PDZD2: variants seen among roughly 807,000 people sequenced by gnomAD.
The protein encoded by PDZD2 is PDZ domain containing 2, also known as PDZ domain-containing protein 2.
Under a neutral mutation model 220.7 loss-of-function variants are expected in PDZD2, and 90 were observed. The observed-to-expected ratio is 0.41, with a 90% CI of 0.34 to 0.49. PDZD2 has a LOEUF of 0.49. Among genes scored for constraint, PDZD2 ranks in the 20% least tolerant of loss-of-function variants. The pLI is 0.28. For synonymous variants in PDZD2, 1,375 were observed against 1,450.5 expected (o/e 0.95, Z 1.18); for missense variants, 3,174 against 3,608.5 (o/e 0.88, Z 3.08).
rs867806753 is a variant in PDZD2, at chr5:31,850,247, C to T, written c.476+50523C>T. 3.4e-4 allele frequency among the ~76,000 whole-genome samples: 28 copies of T among 83,562 alleles called. 1 individual carries two copies. The highest frequency in any genetic ancestry group is 1.2e-3 in the African/African-American group (23 of 19,608). 54.8% of individuals were successfully genotyped at this position (83,562 alleles called of 152,430 possible). On this transcript the variant is annotated intron_variant, in intron 2 of 24. Transcript: ENST00000438447. ...ATAAGTATATATATATATATATACACACACACACACACACATATATATACT... is the reference window on the plus strand; with the variant it reads ...ATAAGTATATATATATATATATACATACACACACACACACATATATATACT...
At chr5:32,035,497 G>A (rs571383935) in intron 6 of PDZD2, among the ~76,000 whole-genome samples, 2 of 151,656 alleles carry the variant, frequency 1.3e-5, no homozygotes, top group South Asian at 4.2e-4. Flanking sequence ...CTGACCTCAG[G>A]TGAATTTTTT....
chr5:31,683,683 T>C (rs937679561), intron 1 of PDZD2, among the ~76,000 whole-genome samples: 5 of 152,232 alleles, frequency 3.3e-5, no homozygotes, highest in African/African-American at 7.2e-5. Flanking sequence ...GTCTGTCTTA[T>C]GGACGTTTGA....
chr5:32,021,978 G>T (rs897688383), intron 6 of PDZD2, among the ~76,000 whole-genome samples: 11 of 151,978 alleles, frequency 7.2e-5, no homozygotes, highest in Admixed American at 1.3e-4. Context: ...GACCCTGCAG[G>T]TGCCCACAAC....
chr5:31,791,093 T>TA (rs1753691890), intron 1 of PDZD2, among the ~76,000 whole-genome samples: 1 of 152,140 alleles, frequency 6.6e-6, no homozygotes, highest in Admixed American at 6.5e-5. Context: ...CCAGCAGACT[T>TA]ACAAACTCCG....
intron 2 of PDZD2, chr5:31,855,125 G>T: frequency 1.0e-6 from 1 of 985,114 alleles, no homozygotes; most frequent in Non-Finnish European, 1.2e-6. Flanking sequence ...AGACTCCCAG[G>T]AGCTCCGGAG....
At chr5:31,992,550 C>T (rs377245225) in intron 3 of PDZD2, among the ~76,000 whole-genome samples, 2 of 152,058 alleles carry the variant, frequency 1.3e-5, no homozygotes, top group African/African-American at 2.4e-5. Flanking sequence ...AGGAATGTAC[C>T]TAGTATTGTC....
intron 2 of PDZD2, among the ~76,000 whole-genome samples, chr5:31,881,740 G>A (rs189568134): frequency 1.3e-5 from 2 of 150,592 alleles, no homozygotes; most frequent in Non-Finnish European, 3.0e-5. Context: ...TTTTGAGATG[G>A]TGTCTCACTC....
chr5:32,104,342 A>G (rs1351996583), intron 24 of PDZD2, among the ~76,000 whole-genome samples: 7 of 152,000 alleles, frequency 4.6e-5, no homozygotes, highest in African/African-American at 1.7e-4. Context: ...ATTACAGAAC[A>G]AGCATTTGAA....
chr5:31,955,660 T>A (rs549798970), intron 2 of PDZD2, among the ~76,000 whole-genome samples: 4 of 150,930 alleles, frequency 2.7e-5, no homozygotes, highest in African/African-American at 9.7e-5. Flanking sequence ...ATTTTCTTCC[T>A]TCTGCTAACT....
rs537648112 is a variant in PDZD2, at chr5:31,796,953, A to C, written c.-360-1936A>C. ...TTTTTTGTTTTTTTTTTTGAGACGG[A>C]GTCTGGCTCTGTCGCCCAGGCTGGA... On this transcript the variant is annotated intron_variant, in intron 1 of 24. Coordinates refer to ENST00000438447, the MANE Select transcript of PDZD2 (RefSeq NM_178140.4). Among the ~76,000 whole-genome samples, 269 of 148,010 alleles carry C rather than the reference A, an allele frequency of 1.8e-3. 2 individuals carry two copies. The highest frequency in any genetic ancestry group is 3.6e-3 in the Middle Eastern group (1 of 278).
chr5:31,668,954 T>A (rs547901698), intron 1 of PDZD2, among the ~76,000 whole-genome samples: 1 of 152,046 alleles, frequency 6.6e-6, no homozygotes, highest in African/African-American at 2.4e-5. Context: ...ACCTCAGGGC[T>A]GGATCCTATC....
intron 2 of PDZD2, among the ~76,000 whole-genome samples, chr5:31,931,369 A>G (rs1352389577): frequency 1.3e-5 from 2 of 151,426 alleles, no homozygotes; most frequent in South Asian, 4.2e-4. Context: ...TGTTGGCCAG[A>G]CTGGTTTCGA....
chr5:32,040,350 T>A (rs62361267), intron 7 of PDZD2, among the ~76,000 whole-genome samples: 1 of 143,992 alleles, frequency 6.9e-6, no homozygotes, highest in Non-Finnish European at 1.5e-5. Context: ...GAGGAGCCCC[T>A]CTGCCTGGCC....
chr5:31,961,611 T>G, intron 2 of PDZD2, among the ~76,000 whole-genome samples: 1 of 152,096 alleles, frequency 6.6e-6, no homozygotes, highest in East Asian at 1.9e-4. Flanking sequence ...GAAGCTCACT[T>G]TTCTTATTTG....
chr5:31,750,229 CA>C (rs1336976793), intron 1 of PDZD2, among the ~76,000 whole-genome samples: 1 of 152,140 alleles, frequency 6.6e-6, no homozygotes, highest in African/African-American at 2.4e-5. Context: ...AGAAAGTCCT[CA>C]CTCTTGTCCG....
intron 1 of PDZD2, among the ~76,000 whole-genome samples, chr5:31,750,422 G>A (rs560599079): frequency 7.0e-4 from 106 of 152,144 alleles, no homozygotes; most frequent in Non-Finnish European, 1.1e-3. Flanking sequence ...TGTACCGAAC[G>A]CTCACCAGAT....
chr5:31,876,346 G>A (rs1343477972), intron 2 of PDZD2, among the ~76,000 whole-genome samples: 1 of 150,594 alleles, frequency 6.6e-6, no homozygotes, highest in African/African-American at 2.4e-5. Flanking sequence ...AGGCTGGAGT[G>A]CAGTGGTGTG....
intron 1 of PDZD2, among the ~76,000 whole-genome samples, chr5:31,729,127 G>C (rs1195612397): frequency 1.7e-5 from 2 of 115,950 alleles, no homozygotes; most frequent in African/African-American, 6.8e-5. Flanking sequence ...TTTTGAGACA[G>C]AGTTTCAGTC....
At chr5:32,028,543 C>G (rs4333331) in intron 6 of PDZD2, among the ~76,000 whole-genome samples, 80,524 of 151,880 alleles carry the variant, frequency 0.53, 21,768 homozygotes, top group South Asian at 0.61. Flanking sequence ...ATCCAAAGAT[C>G]TTAAAATCTA....
Sources: allele counts gnomAD v4.1 joint callset (sites outside exome capture counted in the v4.1 genomes callset), GRCh38; gene constraint gnomAD v4.1.1; transcripts MANE v1.5; gene names NCBI Gene and HGNC (gene_info 2026-07-23, HGNC 2026-07-21).